The following WDR97 variants were observed in gnomAD, a reference collection of about 807,000 sequenced individuals.
WDR97 encodes the protein WD repeat domain 97, also known as WD repeat-containing protein 97.
A neutral mutation model predicts 65.4 loss-of-function variants in WDR97; 111 were observed. The observed-to-expected ratio is 1.70, with a 90% confidence interval of 1.45 to 1.99. WDR97 has a LOEUF of 1.99. Among genes scored for constraint, WDR97 ranks in the 30% most tolerant of loss-of-function variants. WDR97 has a pLI of 0.00. For missense variants in WDR97, 1,674 were observed against 865.0 expected (o/e 1.94, Z -11.73); for synonymous variants, 802 against 397.7 (o/e 2.02, Z -12.10).
At position 144,109,847 on chromosome 8, in the gene WDR97, C is replaced by A. The variant is rs1335148149; in HGVS notation, c.1513C>A (p.Arg505Ser). 1.4e-6 allele frequency: 1 copy of A among 695,802 alleles called. No individual in the cohort carries two copies. The highest frequency in any genetic ancestry group is 2.6e-6 in the Non-Finnish European group (1 of 381,500). The allele number at this position is 695,802 out of a possible 1,614,324, so 43.1% of individuals were successfully genotyped here. ...GCACCTGGTCCGCGCCAACGCGGCGCGCTGCCCCATGAGCGTGCTGCACCG... is the reference window on the plus strand; with the variant it reads ...GCACCTGGTCCGCGCCAACGCGGCGAGCTGCCCCATGAGCGTGCTGCACCG... ...AGHLVRANAA[R>S]CPMSVLHRVC... is the part of the protein sequence containing the mutation. Residue 505 changes from arginine to serine, a missense_variant, in exon 5 of 24, where the codon CGC becomes AGC. Transcript: ENST00000323662.
Position 144,115,371 on chromosome 8 carries a change from G to A in WDR97, c.4108G>A (p.Gly1370Arg), listed in dbSNP as rs1836629149. The change falls in exon 22 of 24, where the codon GGG becomes AGG. Residue 1370 changes from glycine (G) to arginine (R), a missense_variant. Coordinates refer to ENST00000323662, the MANE Select transcript of WDR97 (RefSeq NM_001316309.2). The part of the protein sequence containing the change: ...ETPSQTSVVS[G>R]APTRASVIPS... ...CCCATCGCAGACGTCAGTGGTCTCT[G>A]GGGCACCCACACGCGCCTCCGTGAT... 1.6e-6 allele frequency: 1 copy of A among 614,966 alleles called. No homozygotes were observed. The highest frequency in any genetic ancestry group is 2.8e-5 in the East Asian group (1 of 36,174). The allele number at this position is 614,966 out of a possible 1,614,324, so 38.1% of individuals were successfully genotyped here.
At chr8:144,111,321 C>G in intron 10 of WDR97, 99 bp downstream of exon 10, 1 of 702,744 alleles carries the variant, frequency 1.4e-6, no homozygotes, top group Non-Finnish European at 2.6e-6. Flanking sequence ...TACAAGCCTG[C>G]CTGAGCCCTG....
In WDR97 at chr8:144,109,242, G is replaced by A. The variant is rs1836488098; in HGVS notation, c.1000+72G>A. 5.7e-6 allele frequency: 4 copies of A among 700,598 alleles called. No individual in the cohort carries two copies. In the Admixed American group the frequency reaches 6.0e-5, roughly 11 times the overall value. The allele number at this position is 700,598 out of a possible 1,614,324, so 43.4% of individuals were successfully genotyped here. ...CCGCTCTAGGCTGTCCAGCATCTCCGCAGCTCCGGCCAGGCCTTGCTGCGC... is the reference window on the plus strand; with the variant it reads ...CCGCTCTAGGCTGTCCAGCATCTCCACAGCTCCGGCCAGGCCTTGCTGCGC... On this transcript the variant is annotated intron_variant, in intron 4 of 23. Coordinates refer to ENST00000323662, the MANE Select transcript of WDR97 (RefSeq NM_001316309.2).
At position 144,114,385 on chromosome 8, in the gene WDR97, A is replaced by G. The variant is rs1186598529; in HGVS notation, c.3702A>G (p.Arg1234=). The G allele has an allele frequency of 5.7e-6, 4 of 702,730 alleles. No homozygotes were observed. In the South Asian group the frequency reaches 5.9e-5, roughly 10 times the overall value. The allele number at this position is 702,730 out of a possible 1,614,324, so 43.5% of individuals were successfully genotyped here. A position where few individuals can be genotyped will look rare whatever the true frequency, so the allele number is the denominator to read the frequency against. The stretch of plus-strand genomic sequence containing the variant: ...TGCACATCCTGCAGGTGCTACTGAG[A>G]CTGCTGCCCAACATGAGCAGTGATC... ...DRVHILQVLL[R]LLPNMSSDLQ... The change falls in exon 19 of 24, where the codon AGA becomes AGG. Residue 1234 remains arginine (R), a synonymous_variant. Transcript: ENST00000323662.
chr8:144,108,300 C>A lies in WDR97; in HGVS notation c.250-16C>A, dbSNP rs1024252958. The A allele has an allele frequency of 2.5e-5, 17 of 691,324 alleles. No individual in the cohort carries two copies. In the African/African-American group the frequency reaches 2.7e-4, roughly 11 times the overall value. The allele number at this position is 691,324 out of a possible 1,614,324, so 42.8% of individuals were successfully genotyped here. A position where few individuals can be genotyped will look rare whatever the true frequency, so the allele number is the denominator to read the frequency against. On this transcript the variant is annotated splice_polypyrimidine_tract_variant and intron_variant, in intron 2 of 23. Transcript: ENST00000323662. ...CCCCAACCTTTGATTGCGGGCCCGC[C>A]CACCCCGGCCCACAGGAGAAGAGAG...
rs1491466255 is a variant in WDR97, at chr8:144,115,567, TCA to T, written c.4305_4306del (p.Arg1436SerfsTer56). 9 of 695,112 alleles carry T rather than the reference TCA, an allele frequency of 1.3e-5. No homozygotes were observed. The Admixed American group carries it at 1.8e-4, about 14-fold the overall frequency. The allele number at this position is 695,112 out of a possible 1,614,324, so 43.1% of individuals were successfully genotyped here. ...AGCTGGGGGACCCCTCAGCTCCGTC[TCA>T]GAGTGCTCTCCGAGACGCTGAAGAG... On this transcript the variant is annotated frameshift_variant, in exon 22 of 24. Transcript: ENST00000323662. LOFTEE classifies it high-confidence loss of function.
At chr8:144,111,325 AG>A (rs1205382527) in intron 10 of WDR97, 100 bp from the exon 11 acceptor site, 1 of 702,578 alleles carries the variant, frequency 1.4e-6, no homozygotes, top group Non-Finnish European at 2.6e-6. Context: ...AGCCTGCCTG[AG>A]CCCTGGCACA....
Position 144,112,400 on chromosome 8 carries a change from G to A in WDR97, c.3022-47G>A, listed in dbSNP as rs112907218. 7.5e-3 allele frequency: 5,298 copies of A among 702,520 alleles called. 54 individuals carry two copies. The highest frequency in any genetic ancestry group is 0.028 in the South Asian group (1,902 of 67,600). 43.5% of individuals were successfully genotyped at this position (702,520 alleles called of 1,614,324 possible). On this transcript the variant is annotated intron_variant, in intron 14 of 23. Transcript: ENST00000323662. The stretch of plus-strand genomic sequence containing the variant: ...CCACCTACTGAGGGGCAGAGCTGCC[G>A]GGGTGCTAGGGGCTGTGTTGTTCTG...
intron 10 of WDR97, 53 bp downstream of exon 10, chr8:144,111,275 G>A: frequency 1.4e-6 from 1 of 702,712 alleles, no homozygotes; most frequent in Admixed American, 2.0e-5. Context: ...CCCACTCTGG[G>A]TGGGGGCCTG....
rs1310898356 is a variant in WDR97 at position 144,114,116 on chromosome 8, T to C, written c.3548T>C (p.Ile1183Thr). The change falls in exon 18 of 24, where the codon ATC becomes ACC. Residue 1183 changes from isoleucine (I) to threonine (T), a missense_variant. Transcript: ENST00000323662. ...CTGCCCAAGTTTCTGCATTTCTTCA[T>C]CTACCAGACCTGGTTCAAAAAGTTG... is the stretch of plus-strand genomic sequence containing the variant. Reference protein sequence around the residue: ...GHLPKFLHFFIYQTWFKKLFP... With the variant: ...GHLPKFLHFFTYQTWFKKLFP... 1.4e-6 allele frequency: 1 copy of C among 702,744 alleles called. No individual in the cohort carries two copies. Among genetic ancestry groups the C allele is most frequent in the African/African-American group, 1.7e-5 (1 of 57,276 alleles). 43.5% of individuals were successfully genotyped at this position (702,744 alleles called of 1,614,324 possible).
At chr8:144,112,858 G>A (rs536304387) in intron 15 of WDR97, 17 of 426,240 alleles carry the variant, frequency 4.0e-5, no homozygotes, top group Admixed American at 2.7e-4. Flanking sequence ...AGGTCCCCTA[G>A]GGACTTTTCC....
chr8:144,114,342 C>G lies in WDR97; in HGVS notation c.3659C>G (p.Thr1220Ser). The G allele has an allele frequency of 2.8e-6, 2 of 702,774 alleles. No homozygotes were observed. Among genetic ancestry groups the G allele is most frequent in the Non-Finnish European group, 5.2e-6 (2 of 384,970 alleles). 43.5% of individuals were successfully genotyped at this position (702,774 alleles called of 1,614,324 possible). ...ASLLVALLEK[T>S]TWVDRVHILQ... is the part of the protein sequence containing the mutation. ...CTGTTGGTGGCCCTGCTGGAGAAGA[C>G]CACGTGGGTCGACCGTGTGCACATC... The change falls in exon 19 of 24, where the codon ACC becomes AGC. Residue 1220 changes from threonine to serine, a missense_variant. By Grantham distance (58) the Thr-to-Ser change is moderately conservative. Coordinates refer to ENST00000323662, the MANE Select transcript of WDR97 (RefSeq NM_001316309.2).
At chr8:144,108,993 C>G (rs1402746759) in intron 3 of WDR97, 49 bp downstream of exon 3, 1 of 703,076 alleles carries the variant, frequency 1.4e-6, no homozygotes, top group South Asian at 1.5e-5. Context: ...GGCACACGGC[C>G]CTCACACACA....
intron 1 of WDR97, 82 bp from the exon 2 acceptor site, chr8:144,107,977 C>T (rs1254390528): frequency 4.3e-6 from 3 of 701,024 alleles, no homozygotes; most frequent in Non-Finnish European, 5.2e-6. Context: ...TAGGGCAGGG[C>T]CCCTGGAGGA....
rs1814766779 is a variant in WDR97, at chr8:144,116,962, C to T, written c.*669C>T. 1.3e-5 allele frequency: 2 copies of T among 152,310 alleles called. No individual in the cohort carries two copies. Among genetic ancestry groups the T allele is most frequent in the Admixed American group, 1.3e-4 (2 of 15,284 alleles). The allele number at this position is 152,310 out of a possible 1,614,324, so 9.4% of individuals were successfully genotyped here. On this transcript the variant is annotated 3_prime_UTR_variant, in exon 24 of 24. Coordinates refer to ENST00000323662, the MANE Select transcript of WDR97 (RefSeq NM_001316309.2). ...AGACCTGTGCACAGAGTTCTTGGGG[C>T]AGCTCTGGGGGGAATCCCCGGCTTT...
intron 6 of WDR97, 36 bp from the exon 7 acceptor site, chr8:144,110,305 C>G: frequency 1.4e-6 from 1 of 702,304 alleles, no homozygotes; most frequent in South Asian, 1.5e-5. Flanking sequence ...GCCCCCTCCC[C>G]TCCGACAAGG....
chr8:144,109,371 C>T lies in WDR97; in HGVS notation c.1037C>T (p.Thr346Ile). ...VTAMTVLPNTTLVLSASQDGT... is the reference protein window; with the variant it reads ...VTAMTVLPNTILVLSASQDGT... ...GCTATGACTGTGCTCCCGAACACGA[C>T]CCTGGTGTTGTCGGCCTCGCAGGAC... The change falls in exon 5 of 24, where the codon ACC (threonine) becomes ATC (isoleucine). Residue 346 changes from threonine (T) to isoleucine (I), a missense_variant. By Grantham distance (89) the Thr-to-Ile change is moderately conservative. Transcript: ENST00000323662. 3 of 702,662 alleles carry T rather than the reference C, an allele frequency of 4.3e-6. No homozygotes were observed. Among genetic ancestry groups the T allele is most frequent in the Non-Finnish European group, 2.6e-6 (1 of 384,874 alleles). The allele number at this position is 702,662 out of a possible 1,614,324, so 43.5% of individuals were successfully genotyped here. A position where few individuals can be genotyped will look rare whatever the true frequency, so the allele number is the denominator to read the frequency against.
chr8:144,108,648 C>T lies in WDR97; in HGVS notation c.582C>T (p.Ala194=), dbSNP rs990653240. The T allele has an allele frequency of 1.4e-6, 1 of 700,408 alleles. No individual in the cohort carries two copies. Among genetic ancestry groups the T allele is most frequent in the African/African-American group, 1.7e-5 (1 of 57,200 alleles). The allele number at this position is 700,408 out of a possible 1,614,324, so 43.4% of individuals were successfully genotyped here. ...TGAGCGAGCAGGGGGTGGGCAGGGC[C>T]CCGGGTTGGGCGCCCACCTGCTGCC... ...LWLSEQGVGR[A]PGWAPTCCLP... Residue 194 remains alanine, a synonymous_variant, in exon 3 of 24, where the codon GCC becomes GCT. Coordinates refer to ENST00000323662, the MANE Select transcript of WDR97 (RefSeq NM_001316309.2).
chr8:144,108,547 G>C lies in WDR97; in HGVS notation c.481G>C (p.Gly161Arg), dbSNP rs1394945268. 7 of 700,988 alleles carry C rather than the reference G, an allele frequency of 1.0e-5. No individual in the cohort carries two copies. In the East Asian group the frequency reaches 1.9e-4, roughly 19 times the overall value. The allele number at this position is 700,988 out of a possible 1,614,324, so 43.4% of individuals were successfully genotyped here. Reference protein sequence around the residue: ...TGLVTVLGPLGAVGRFVGWGP... With the variant: ...TGLVTVLGPLRAVGRFVGWGP... ...GCTGGTGACCGTGCTGGGCCCGCTG[G>C]GTGCCGTGGGCCGTTTTGTAGGCTG... The change falls in exon 3 of 24, where the codon GGT becomes CGT. Residue 161 changes from glycine to arginine, a missense_variant. Physicochemically the swap from Gly to Arg is moderately radical, Grantham distance 125 (BLOSUM62 -2). Coordinates refer to ENST00000323662, the MANE Select transcript of WDR97 (RefSeq NM_001316309.2).
Sources: gnomAD v4.1 joint callset for allele counts on GRCh38, gnomAD v4.1.1 for gene constraint, MANE v1.5 for transcripts, NCBI Gene and HGNC (gene_info 2026-07-23, HGNC 2026-07-21) for gene names.